RPS6KA2: variants seen among roughly 807,000 people sequenced by gnomAD.
RPS6KA2 encodes ribosomal protein S6 kinase alpha-2.
RPS6KA2 carries 42 observed loss-of-function variants against 91.8 expected under a neutral mutation model. The ratio of observed to expected loss-of-function variants is 0.46; its 90% CI spans 0.36 to 0.59. The LOEUF (loss-of-function observed/expected upper bound fraction) is 0.59, where lower values mean the gene tolerates loss of function less well. RPS6KA2 is among the 20% of genes least tolerant of loss of function. The pLI, the probability that RPS6KA2 is intolerant of heterozygous loss-of-function variation, is 0.00. For synonymous variants in RPS6KA2, 414 were observed against 393.6 expected (o/e 1.05, Z -0.61); for missense variants, 798 against 978.5 (o/e 0.82, Z 2.46).
At chr6:166,608,292 C>T (rs925697648) in intron 1 of RPS6KA2, among the ~76,000 whole-genome samples, 13 of 152,168 alleles carry the variant, frequency 8.5e-5, no homozygotes, top group Admixed American at 2.6e-4. Flanking sequence ...GGGTAGACAA[C>T]GCTTCTCTTA....
In RPS6KA2 at chr6:166,504,570, G is replaced by A. The variant is rs1184921134; in HGVS notation, c.502C>T (p.Leu168=). ...TGGAGATGGTCTAAAGCCAAGGCCA[G>A]CTCAGCCAGGTAGAACTTGACATCC... The part of the protein sequence containing the change: ...EEDVKFYLAE[L]ALALDHLHSL... Residue 168 remains leucine, a synonymous_variant, in exon 6 of 21, where the codon CTG becomes TTG. Transcript: ENST00000265678. The A allele has an allele frequency of 1.9e-6, 3 of 1,613,770 alleles. No homozygotes were observed. The highest frequency in any genetic ancestry group is 4.5e-5 in the East Asian group (2 of 44,888).
rs148015976 is a variant in RPS6KA2 at position 166,441,099 on chromosome 6, G to A, written c.1332+7625C>T. Among the ~76,000 whole-genome samples, 493 of 152,302 alleles carry A rather than the reference G, an allele frequency of 3.2e-3. 4 individuals are homozygous for A. Among genetic ancestry groups the A allele is most frequent in the African/African-American group, 0.01 (430 of 41,576 alleles). ...TGGTGGAAGAGAAATTTATGCCACC[G>A]TTTTCCTCAGTCATGCAATCTGTTA... On this transcript the variant is annotated intron_variant, in intron 14 of 20. Transcript: ENST00000265678.
intron 3 of RPS6KA2, among the ~76,000 whole-genome samples, chr6:166,530,188 CACATCTCAGAGCCTCATGG>C (rs1783216658): frequency 6.6e-6 from 1 of 152,228 alleles, no homozygotes; most frequent in Non-Finnish European, 1.5e-5. Flanking sequence ...GTGCCGCCTT[CACATCTCAGAGCCTCATGG>C]GGCCCCAAGG....
Position 166,558,960 on chromosome 6 carries a change from T to C in RPS6KA2, c.100-20176A>G, listed in dbSNP as rs1041202411. 9.9e-5 allele frequency among the ~76,000 whole-genome samples: 15 copies of C among 152,226 alleles called. No homozygotes were observed. In the South Asian group the frequency reaches 3.1e-3, roughly 32 times the overall value. On this transcript the variant is annotated intron_variant, in intron 1 of 20. Transcript: ENST00000265678. ...TTGGAGTTTCAGAGTTTTTGTGTAT[T>C]TGTGTATTTTGTGGTTTTGTGCTTT...
Position 166,490,325 on chromosome 6 carries a change from C to T in RPS6KA2, c.818+346G>A, listed in dbSNP as rs1168746239. ...TCCTTTACTTCTGGGAGGTCACCAACCATCACGCTTGAAAACCAGCCACTA... is the reference window on the plus strand; with the variant it reads ...TCCTTTACTTCTGGGAGGTCACCAATCATCACGCTTGAAAACCAGCCACTA... On this transcript the variant is annotated intron_variant, in intron 9 of 20. Transcript: ENST00000265678. The surrounding 1 kb of genome is among the most constrained non-coding windows in gnomAD (Gnocchi z 4.2). 3.3e-5 allele frequency among the ~76,000 whole-genome samples: 5 copies of T among 151,962 alleles called. No homozygotes were observed. The highest frequency in any genetic ancestry group is 5.9e-5 in the Non-Finnish European group (4 of 68,018).
At chr6:166,670,119 T>C (rs898537565) in intron 2 of RPS6KA2, among the ~76,000 whole-genome samples, 4 of 152,234 alleles carry the variant, frequency 2.6e-5, no homozygotes, top group African/African-American at 9.6e-5. Flanking sequence ...ATGTGGAGAA[T>C]GTACACTTCC....
At chr6:166,815,338 C>G (rs973336100) in intron 2 of RPS6KA2, among the ~76,000 whole-genome samples, 4 of 152,192 alleles carry the variant, frequency 2.6e-5, no homozygotes, top group Non-Finnish European at 4.4e-5. Context: ...ACCTCTGATC[C>G]CTGTGCGGAT....
chr6:166,498,021 G>T (rs1056028442), intron 8 of RPS6KA2, among the ~76,000 whole-genome samples: 1 of 152,154 alleles, frequency 6.6e-6, no homozygotes, highest in Admixed American at 6.5e-5. Flanking sequence ...AGCCCACACA[G>T]TTCCTAGGGC....
chr6:166,652,165 A>G (rs1787873455), intron 2 of RPS6KA2, among the ~76,000 whole-genome samples: 1 of 152,216 alleles, frequency 6.6e-6, no homozygotes, highest in Admixed American at 6.5e-5. Flanking sequence ...GAAGAAAAAC[A>G]CCTTCGCATT....
rs1035720387 is a variant in RPS6KA2 at position 166,529,568 on chromosome 6, TA to T, written c.298+1663del. ...ACGTGTACCCTAGCACTTAAAGCAT[TA>T]AAAAAAAAAGTTCACTCTAAAAAGC... On this transcript the variant is annotated intron_variant, in intron 3 of 20. Coordinates refer to ENST00000265678, the MANE Select transcript of RPS6KA2 (RefSeq NM_021135.6). Among the ~76,000 whole-genome samples, 53 of 148,914 alleles carry T rather than the reference TA, an allele frequency of 3.6e-4. No individual in the cohort carries two copies. The East Asian group carries it at 3.7e-3, about 10-fold the overall frequency.
chr6:166,510,295 T>A lies in RPS6KA2; in HGVS notation c.361A>T (p.Ile121Phe), dbSNP rs1319562841. 1 of 1,603,836 alleles carries A rather than the reference T, an allele frequency of 6.2e-7. No homozygotes were observed. The highest frequency in any genetic ancestry group is 2.2e-5 in the East Asian group (1 of 44,472). ...TACTTACCATAATGAAGCTTCACAA[T>A]GAAGGGGTGATTCACTTCTGCCAAG... ...DILAEVNHPF[I>F]VKLHYAFQTE... The change falls in exon 4 of 21, where the codon ATT becomes TTT. Residue 121 changes from isoleucine to phenylalanine, a missense_variant. Ile to Phe is a conservative substitution (Grantham distance 21, BLOSUM62 0). Transcript: ENST00000265678.
At position 166,448,141 on chromosome 6, in the gene RPS6KA2, T is replaced by C. The variant is rs150304664; in HGVS notation, c.1332+583A>G. On this transcript the variant is annotated intron_variant, in intron 14 of 20. Coordinates refer to ENST00000265678, the MANE Select transcript of RPS6KA2 (RefSeq NM_021135.6). This position sits in a 1 kb window ranked among gnomAD's most constrained non-coding sequence, Gnocchi z 4.7. ...ATTGGGTTACAAAGAATTGTTTCTCTATACTGTTCTTGACGGTTGGGAGTA... is the reference window on the plus strand; with the variant it reads ...ATTGGGTTACAAAGAATTGTTTCTCCATACTGTTCTTGACGGTTGGGAGTA... Among the ~76,000 whole-genome samples the C allele has an allele frequency of 1.1e-4, 16 of 152,366 alleles. 1 individual carries two copies. The East Asian group carries it at 2.1e-3, about 20-fold the overall frequency.
Position 166,420,243 on chromosome 6 carries a change from C to T in RPS6KA2, c.1744-285G>A, listed in dbSNP as rs150252962. Among the ~76,000 whole-genome samples, 14 of 152,242 alleles carry T rather than the reference C, an allele frequency of 9.2e-5. No individual in the cohort carries two copies. The East Asian group carries it at 2.7e-3, about 29-fold the overall frequency. ...TTAAGGCAGAAGGATTTTTCTGTTA[C>T]GGTAAAATATGTATGACATAAAATT... On this transcript the variant is annotated intron_variant, in intron 17 of 20. Coordinates refer to ENST00000265678, the MANE Select transcript of RPS6KA2 (RefSeq NM_021135.6).
chr6:166,536,583 C>T (rs886547570), intron 2 of RPS6KA2, among the ~76,000 whole-genome samples: 1 of 152,320 alleles, frequency 6.6e-6, no homozygotes, highest in Admixed American at 6.5e-5. Flanking sequence ...AATAGTATCT[C>T]TTCTTTCCAG....
chr6:166,552,273 G>C (rs1178000650), intron 1 of RPS6KA2, among the ~76,000 whole-genome samples: 2 of 152,190 alleles, frequency 1.3e-5, no homozygotes, highest in African/African-American at 4.8e-5. Context: ...AAAGCGTCTG[G>C]CACCATCCTT....
Position 166,855,047 on chromosome 6 carries a change from G to A in RPS6KA2, c.123+3153C>T, listed in dbSNP as rs113789147. On this transcript the variant is annotated intron_variant, in intron 2 of 21. Coordinates refer to the RPS6KA2 transcript ENST00000503859. Reference sequence around the variant, plus strand: ...ATGAAATCATGCCTTTAGCAGCAACGTGGTTGGAACCGGAGGCCATTATCC... The same window carrying A: ...ATGAAATCATGCCTTTAGCAGCAACATGGTTGGAACCGGAGGCCATTATCC... Among the ~76,000 whole-genome samples, 1,033 of 152,298 alleles carry A rather than the reference G, an allele frequency of 6.8e-3. 11 individuals are homozygous for A. The highest frequency in any genetic ancestry group is 0.024 in the African/African-American group (982 of 41,544).
chr6:166,563,993 G>A lies in RPS6KA2; in HGVS notation c.100-25209C>T, dbSNP rs902565878. Among the ~76,000 whole-genome samples, 9 of 152,186 alleles carry A rather than the reference G, an allele frequency of 5.9e-5. No individual in the cohort carries two copies. Among genetic ancestry groups the A allele is most frequent in the African/African-American group, 2.2e-4 (9 of 41,424 alleles). ...GATGTCAGATGTCAGCGCTGCCAAT[G>A]TTTCAGCACTGCGGTTCCTTGCTCA... is the stretch of plus-strand genomic sequence containing the variant. On this transcript the variant is annotated intron_variant, in intron 1 of 20. Coordinates refer to ENST00000265678, the MANE Select transcript of RPS6KA2 (RefSeq NM_021135.6). The surrounding 1 kb of genome is among the most constrained non-coding windows in gnomAD (Gnocchi z 4.1).
intron 2 of RPS6KA2, among the ~76,000 whole-genome samples, chr6:166,786,449 T>A (rs1489156648): frequency 1.3e-5 from 2 of 151,216 alleles, no homozygotes; most frequent in African/African-American, 4.9e-5. Flanking sequence ...ATTATCAAAG[T>A]AGAAAAGGTA....
chr6:166,768,488 G>C (rs1191190410), intron 2 of RPS6KA2, among the ~76,000 whole-genome samples: 2 of 152,190 alleles, frequency 1.3e-5, no homozygotes, highest in African/African-American at 4.8e-5. Flanking sequence ...CCAAGCGGCA[G>C]GGGCAGCTGC....
Sources: allele counts gnomAD v4.1 joint callset (sites outside exome capture counted in the v4.1 genomes callset), GRCh38; gene constraint gnomAD v4.1.1; non-coding constraint Gnocchi (gnomAD v3.1); transcripts MANE v1.5; gene names NCBI Gene and HGNC (gene_info 2026-07-23, HGNC 2026-07-21).